Variants in SAMD12 observed in about 807,000 individuals in gnomAD.
The protein encoded by SAMD12 is sterile alpha motif domain-containing protein 12.
In SAMD12, 9 loss-of-function variants were observed where a neutral mutation model predicts 15.0. The ratio of observed to expected loss-of-function variants is 0.60; its 90% CI spans 0.36 to 1.05. The LOEUF (loss-of-function observed/expected upper bound fraction) is 1.05, where lower values mean the gene tolerates loss of function less well. Among genes scored for constraint, SAMD12 ranks in the 50% least tolerant of loss-of-function variants. SAMD12 has a pLI of 0.01. For missense variants in SAMD12, 230 were observed against 234.2 expected, an observed-to-expected ratio of 0.98 and a Z score of 0.12; for synonymous variants, 86 against 90.1, an observed-to-expected ratio of 0.96 and a Z score of 0.25.
the SAMD12 span, among the ~76,000 whole-genome samples, chr8:118,137,658 C>CTG: frequency 6.6e-6 from 1 of 152,136 alleles, no homozygotes; most frequent in Non-Finnish European, 1.5e-5. Flanking sequence ...TCCTTCTGTG[C>CTG]TGTGTCTTTA....
chr8:118,209,670 A>G (rs1265304649), intron 4 of SAMD12, among the ~76,000 whole-genome samples: 2 of 152,212 alleles, frequency 1.3e-5, no homozygotes, highest in Admixed American at 6.5e-5. Flanking sequence ...TGAAGGTTTA[A>G]TGAGATTTTA....
chr8:118,329,671 T>C (rs1816725044), intron 4 of SAMD12, among the ~76,000 whole-genome samples: 1 of 152,226 alleles, frequency 6.6e-6, no homozygotes, highest in Non-Finnish European at 1.5e-5. Context: ...GCTTTGCCTG[T>C]TTGTGAAATT....
rs1222172489 is a variant in SAMD12 at position 118,510,275 on chromosome 8, C to T, written c.193-70314G>A. On this transcript the variant is annotated intron_variant, in intron 2 of 3. Coordinates refer to ENST00000314727, the MANE Select transcript of SAMD12 (RefSeq NM_207506.3). ...GCATGCACACACACACACACAAATACACACACAATCTGCCTAAGTAGGCTC... is the reference window on the plus strand; with the variant it reads ...GCATGCACACACACACACACAAATATACACACAATCTGCCTAAGTAGGCTC... Among the ~76,000 whole-genome samples, 3 of 152,048 alleles carry T rather than the reference C, an allele frequency of 2.0e-5. 1 individual carries two copies. Among genetic ancestry groups the T allele is most frequent in the Admixed American group, 1.3e-4 (2 of 15,258 alleles).
intron 2 of SAMD12, among the ~76,000 whole-genome samples, chr8:118,578,974 T>C (rs1827218482): frequency 2.0e-5 from 3 of 152,116 alleles, no homozygotes; most frequent in African/African-American, 7.2e-5. Flanking sequence ...ATTATACACA[T>C]CCACACTCAT....
the SAMD12 span, among the ~76,000 whole-genome samples, chr8:118,142,870 G>A: frequency 2.6e-5 from 4 of 152,188 alleles, no homozygotes; most frequent in Non-Finnish European, 4.4e-5. Context: ...AGTGAGGGAA[G>A]GGATGTGTTT....
chr8:118,158,355 GC>G, the SAMD12 span, among the ~76,000 whole-genome samples: 1 of 152,220 alleles, frequency 6.6e-6, no homozygotes, highest in African/African-American at 2.4e-5. Context: ...GTCTGGAGCA[GC>G]TGCTGCAAAG....
chr8:118,614,404 G>A (rs1828189464), intron 1 of SAMD12, among the ~76,000 whole-genome samples: 2 of 152,150 alleles, frequency 1.3e-5, no homozygotes, highest in Admixed American at 1.3e-4. Context: ...TGCGGAGCTG[G>A]GGTTCACATC....
intron 1 of SAMD12, among the ~76,000 whole-genome samples, chr8:118,600,092 T>C (rs931094347): frequency 1.3e-5 from 2 of 152,168 alleles, no homozygotes; most frequent in Non-Finnish European, 2.9e-5. Context: ...TCTCTCATAA[T>C]TGTAAGGGTC....
chr8:118,566,421 T>G (rs767439190), intron 2 of SAMD12, among the ~76,000 whole-genome samples: 1 of 152,176 alleles, frequency 6.6e-6, no homozygotes, highest in Admixed American at 6.5e-5. Context: ...TTATAGTACT[T>G]TTTTGAGATA....
chr8:118,590,689 A>T (rs549731766), intron 1 of SAMD12, among the ~76,000 whole-genome samples: 1 of 152,348 alleles, frequency 6.6e-6, no homozygotes, highest in African/African-American at 2.4e-5. Flanking sequence ...GGTTTAAATA[A>T]AATCTAGAGT....
At chr8:118,316,999 T>G (rs1815951766) in intron 4 of SAMD12, among the ~76,000 whole-genome samples, 1 of 151,870 alleles carries the variant, frequency 6.6e-6, no homozygotes, top group Admixed American at 6.6e-5. Context: ...ACGAGGTGAT[T>G]AGGATAGGCA....
chr8:118,583,810 C>T (rs1827356405), intron 1 of SAMD12, among the ~76,000 whole-genome samples: 2 of 152,160 alleles, frequency 1.3e-5, no homozygotes, highest in Admixed American at 1.3e-4. Context: ...GCACAGTCCC[C>T]TGGTGCTTCA....
intron 3 of SAMD12, among the ~76,000 whole-genome samples, chr8:118,433,917 T>A (rs1822497081): frequency 6.6e-6 from 1 of 152,204 alleles, no homozygotes; most frequent in Non-Finnish European, 1.5e-5. Flanking sequence ...CGTAAGTACA[T>A]CACATAAAGT....
chr8:118,243,454 C>T (rs921306930), intron 4 of SAMD12, among the ~76,000 whole-genome samples: 1 of 146,254 alleles, frequency 6.8e-6, no homozygotes, highest in East Asian at 2.0e-4. Context: ...ATGCACTGTA[C>T]CACTCCATTT....
intron 4 of SAMD12, among the ~76,000 whole-genome samples, chr8:118,198,514 A>C (rs2129761648): frequency 6.6e-6 from 1 of 152,316 alleles, no homozygotes; most frequent in East Asian, 1.9e-4. Flanking sequence ...TTTCTAATAC[A>C]CAAAACTATC....
intron 2 of SAMD12, among the ~76,000 whole-genome samples, chr8:118,486,295 A>G (rs368335492): frequency 6.6e-6 from 1 of 151,220 alleles, no homozygotes; most frequent in East Asian, 1.9e-4. Flanking sequence ...GGGCGCCTGT[A>G]GTCCCAGCTA....
At chr8:118,329,030 A>C (rs1438002442) in intron 4 of SAMD12, among the ~76,000 whole-genome samples, 1 of 152,232 alleles carries the variant, frequency 6.6e-6, no homozygotes, top group Non-Finnish European at 1.5e-5. Context: ...CCACGTAAAC[A>C]GCCTCGAATT....
At chr8:118,576,052 A>G (rs1375607470) in intron 2 of SAMD12, among the ~76,000 whole-genome samples, 2 of 152,128 alleles carry the variant, frequency 1.3e-5, no homozygotes. Flanking sequence ...AGGATCAGAC[A>G]GAACATCAAC....
At position 118,337,829 on chromosome 8, in the gene SAMD12, A is replaced by T. The variant is rs181256882; in HGVS notation, c.433+41731T>A. On this transcript the variant is annotated intron_variant, in intron 4 of 4. Transcript: ENST00000409003. ...AGAGAAGCCGTACATTGATTCCTTT[A>T]AGTGAAATAGTGAAAGTTCTCAACT... 2.2e-4 allele frequency among the ~76,000 whole-genome samples: 33 copies of T among 152,342 alleles called. No individual in the cohort carries two copies. The East Asian group carries it at 6.4e-3, about 29-fold the overall frequency.
Sources: allele counts gnomAD v4.1 joint callset (sites outside exome capture counted in the v4.1 genomes callset), GRCh38; gene constraint gnomAD v4.1.1; transcripts MANE v1.5; gene names NCBI Gene and HGNC (gene_info 2026-07-23, HGNC 2026-07-21).